The following PAPPA2 variants were observed in gnomAD, a reference collection of about 807,000 sequenced individuals.
PAPPA2 encodes the protein pappalysin 2.
Under a neutral mutation model 176.4 loss-of-function variants are expected in PAPPA2, and 86 were observed. The ratio of observed to expected loss-of-function variants is 0.49; its 90% CI spans 0.41 to 0.58. PAPPA2 has a LOEUF of 0.58. PAPPA2 is among the 20% of genes least tolerant of loss of function. The pLI, the probability that PAPPA2 is intolerant of heterozygous loss-of-function variation, is 0.00. For synonymous variants in PAPPA2, 809 were observed against 852.2 expected (o/e 0.95, Z 0.88); for missense variants, 2,073 against 2,256.9 (o/e 0.92, Z 1.65).
At chr1:176,528,656 T>G (rs185890217) in intron 1 of PAPPA2, among the ~76,000 whole-genome samples, 2 of 152,340 alleles carry the variant, frequency 1.3e-5, no homozygotes, top group East Asian at 3.9e-4. Flanking sequence ...TTGATTTACA[T>G]ACGGCACCAA....
At position 176,711,958 on chromosome 1, in the gene PAPPA2, A is replaced by G. The variant is rs1439300319; in HGVS notation, c.3775A>G (p.Lys1259Glu). Residue 1259 changes from lysine to glutamate, a missense_variant, in exon 12 of 23, where the codon AAA becomes GAA. Physicochemically the swap from Lys to Glu is moderately conservative, Grantham distance 56. Around this residue, in one of 4 missense-constraint regions of PAPPA2, gnomAD observed 846 missense variants for 857.9 expected, o/e 0.99. Coordinates refer to ENST00000367662, the MANE Select transcript of PAPPA2 (RefSeq NM_020318.3). The stretch of plus-strand genomic sequence containing the variant: ...TGAACAGCCAGAAGGTAGCCTGAAG[A>G]AAGAGGATGAGGTTTGGCTCAAAGT... ...RSEQPEGSLK[K>E]EDEVWLKVCF... The G allele has an allele frequency of 6.2e-7, 1 of 1,613,174 alleles. No individual in the cohort carries two copies. Among genetic ancestry groups the G allele is most frequent in the African/African-American group, 1.3e-5 (1 of 74,884 alleles).
chr1:176,746,328 A>G (rs762692288), intron 14 of PAPPA2, among the ~76,000 whole-genome samples: 5 of 152,270 alleles, frequency 3.3e-5, no homozygotes, highest in Non-Finnish European at 7.3e-5. Context: ...CAAATAACCA[A>G]GAGGAAACCT....
chr1:176,817,774 G>C (rs944513040), intron 21 of PAPPA2, among the ~76,000 whole-genome samples: 3 of 152,022 alleles, frequency 2.0e-5, no homozygotes, highest in Non-Finnish European at 4.4e-5. Flanking sequence ...AGGCTTATAG[G>C]AGAAGATAAT....
chr1:176,512,782 A>G (rs1000681357), intron 1 of PAPPA2, among the ~76,000 whole-genome samples: 1 of 152,230 alleles, frequency 6.6e-6, no homozygotes, highest in African/African-American at 2.4e-5. Flanking sequence ...AAATTGATTA[A>G]AATATTTTTA....
chr1:176,803,657 T>G (rs1442872054), intron 21 of PAPPA2, among the ~76,000 whole-genome samples: 1 of 152,176 alleles, frequency 6.6e-6, no homozygotes, highest in Non-Finnish European at 1.5e-5. Context: ...TGCAGTGATT[T>G]CCTAATTGCT....
intron 1 of PAPPA2, among the ~76,000 whole-genome samples, chr1:176,509,768 C>T (rs534195020): frequency 4.6e-5 from 7 of 151,696 alleles, no homozygotes; most frequent in South Asian, 4.2e-4. Flanking sequence ...TTTGGGAGAC[C>T]GAGGCTGGCA....
At chr1:176,816,152 GTATATATATATA>G (rs373739173) in intron 21 of PAPPA2, among the ~76,000 whole-genome samples, 1,717 of 42,264 alleles carry the variant, frequency 0.041, 37 homozygotes, top group Middle Eastern at 0.05. Flanking sequence ...CTTTCACAGT[GTATATATATATA>G]TATATATATA....
intron 3 of PAPPA2, among the ~76,000 whole-genome samples, chr1:176,615,755 T>G (rs1655184625): frequency 6.6e-6 from 1 of 152,218 alleles, no homozygotes; most frequent in Admixed American, 6.5e-5. Flanking sequence ...GTGGGAGACG[T>G]AAACATAAAG....
intron 3 of PAPPA2, among the ~76,000 whole-genome samples, chr1:176,620,819 A>G (rs1023900136): frequency 8.5e-5 from 13 of 152,218 alleles, no homozygotes; most frequent in African/African-American, 3.1e-4. Flanking sequence ...TTAGCTGAGT[A>G]TAAAAAGTAA....
intron 12 of PAPPA2, among the ~76,000 whole-genome samples, chr1:176,732,311 T>C (rs932283234): frequency 6.6e-6 from 1 of 152,206 alleles, no homozygotes; most frequent in African/African-American, 2.4e-5. Flanking sequence ...GGAGAAAATA[T>C]ACACTCAGAA....
At chr1:176,692,404 A>T in intron 6 of PAPPA2, 86 bp downstream of exon 6, 9 of 1,348,768 alleles carry the variant, frequency 6.7e-6, no homozygotes, top group Non-Finnish European at 9.3e-6. Context: ...AATCCAGGGG[A>T]ACTCCAATTT....
rs193044464 is a variant in PAPPA2 at position 176,552,585 on chromosome 1, A to C, written c.-916-2822A>C. 1.3e-3 allele frequency among the ~76,000 whole-genome samples: 191 copies of C among 152,170 alleles called. 2 individuals carry two copies. The highest frequency in any genetic ancestry group is 0.01 in the Middle Eastern group (3 of 294). On this transcript the variant is annotated intron_variant, in intron 1 of 22. Transcript: ENST00000367662. ...TATAGATTTACCTGCAGAACAAGAC[A>C]CCGCTCCTCTTGCAAAAAACTGTTT...
At chr1:176,829,399 C>T (rs921963922) in intron 21 of PAPPA2, among the ~76,000 whole-genome samples, 1 of 152,220 alleles carries the variant, frequency 6.6e-6, no homozygotes. Flanking sequence ...TCACCTTCCA[C>T]AGGCGGGCTC....
chr1:176,800,700 G>A (rs1665644659), intron 21 of PAPPA2, among the ~76,000 whole-genome samples: 1 of 152,160 alleles, frequency 6.6e-6, no homozygotes, highest in South Asian at 2.1e-4. Flanking sequence ...AGTAGCAGCT[G>A]CACCCCAGGT....
chr1:176,663,243 C>G (rs1324933143), intron 3 of PAPPA2, among the ~76,000 whole-genome samples: 1 of 152,130 alleles, frequency 6.6e-6, no homozygotes, highest in Non-Finnish European at 1.5e-5. Flanking sequence ...TCAAAAACTT[C>G]CCATCATGGA....
rs755065819 is a variant in PAPPA2 at position 176,632,228 on chromosome 1, G to GGTGTGTGT, written c.1991+36633_1991+36634insGTGTGTGT. On this transcript the variant is annotated intron_variant, in intron 3 of 22. Coordinates refer to ENST00000367662, the MANE Select transcript of PAPPA2 (RefSeq NM_020318.3). ...AGGTTGAAGACCAATAATTAGTAGTGATGTGTGTGTGTGTGTGTGTGTGTG... is the reference window on the plus strand; with the variant it reads ...AGGTTGAAGACCAATAATTAGTAGTGGTGTGTGTATGTGTGTGTGTGTGTGTGTGTGTG... Among the ~76,000 whole-genome samples, 165 of 137,848 alleles carry GGTGTGTGT rather than the reference G, an allele frequency of 1.2e-3. 4 individuals carry two copies. The South Asian group carries it at 0.018, about 15-fold the overall frequency. The allele number at this position is 137,848 out of a possible 152,430, so 90.4% of individuals were successfully genotyped here. A position where few individuals can be genotyped will look rare whatever the true frequency, so the allele number is the denominator to read the frequency against.
intron 1 of PAPPA2, among the ~76,000 whole-genome samples, chr1:176,485,573 C>T (rs760616163): frequency 5.9e-5 from 9 of 152,104 alleles, no homozygotes; most frequent in Non-Finnish European, 1.2e-4. Context: ...TTCTTCATAG[C>T]ACTTACCACT....
rs1322138200 is a variant in PAPPA2 at position 176,789,536 on chromosome 1, AAAACTT to A, written c.4716-269_4716-264del. On this transcript the variant is annotated intron_variant, in intron 17 of 22. Coordinates refer to ENST00000367662, the MANE Select transcript of PAPPA2 (RefSeq NM_020318.3). ...CCTGCACGTTGTGCACATGTACCCT[AAAACTT>A]AAAGTATAATAATAATAAAATTTAA... is the stretch of plus-strand genomic sequence containing the variant. Among the ~76,000 whole-genome samples, 4 of 152,246 alleles carry A rather than the reference AAAACTT, an allele frequency of 2.6e-5. No homozygotes were observed. The East Asian group carries it at 7.7e-4, about 29-fold the overall frequency.
intron 1 of PAPPA2, among the ~76,000 whole-genome samples, chr1:176,531,749 A>G (rs568296070): frequency 6.6e-6 from 1 of 152,310 alleles, no homozygotes; most frequent in East Asian, 1.9e-4. Flanking sequence ...GATCCCCAGG[A>G]TTCTCTTCCC....
Sources: allele counts gnomAD v4.1 joint callset (sites outside exome capture counted in the v4.1 genomes callset), GRCh38; gene constraint gnomAD v4.1.1; regional missense constraint gnomAD v4.1.1; transcripts MANE v1.5; gene names NCBI Gene and HGNC (gene_info 2026-07-23, HGNC 2026-07-21).